The following DPP9 variants were observed in gnomAD, a reference collection of about 807,000 sequenced individuals.
DPP9 encodes the protein dipeptidyl peptidase 9, also known as dipeptidyl peptidase IV-related protein-2.
Under a neutral mutation model 110.7 loss-of-function variants are expected in DPP9, and 50 were observed. The observed-to-expected ratio is 0.45, with a 90% CI of 0.36 to 0.57. DPP9 has a LOEUF of 0.57. Ranked by LOEUF, DPP9 falls within the 20% of genes least tolerant of loss-of-function variation. The pLI is 0.00. For synonymous variants in DPP9, 561 were observed against 514.4 expected (o/e 1.09, Z -1.23); for missense variants, 1,022 against 1,217.9 (o/e 0.84, Z 2.39).
At chr19:4,681,175 G>A (rs574940542) in intron 20 of DPP9, among the ~76,000 whole-genome samples, 2 of 152,292 alleles carry the variant, frequency 1.3e-5, no homozygotes, top group South Asian at 4.1e-4. Context: ...AGCACAGATC[G>A]GTGGCTGCCC....
rs911592443 is a variant in DPP9, at chr19:4,704,411, G to A, written c.427-107C>T. The A allele has an allele frequency of 1.5e-5, 20 of 1,358,900 alleles. No individual in the cohort carries two copies. In the East Asian group the frequency reaches 2.3e-4, roughly 16 times the overall value. The allele number at this position is 1,358,900 out of a possible 1,614,324, so 84.2% of individuals were successfully genotyped here. A position where few individuals can be genotyped will look rare whatever the true frequency, so the allele number is the denominator to read the frequency against. On this transcript the variant is annotated intron_variant, in intron 5 of 21. Transcript: ENST00000262960. This position sits in a 1 kb window ranked among gnomAD's most constrained non-coding sequence, Gnocchi z 6.0. ...GGGCATTCCCAGGGAATCTGACTTCGGGCCTCGCCAGAGAGAACTTCCTGT... is the reference window on the plus strand; with the variant it reads ...GGGCATTCCCAGGGAATCTGACTTCAGGCCTCGCCAGAGAGAACTTCCTGT...
Position 4,700,110 on chromosome 19 carries a change from G to A in DPP9, c.1074+106C>T, listed in dbSNP as rs1236124017. ...GGGCGGCAGGGCTGGGGCCTGGGGA[G>A]TGCCCCCGAGAGGGAGGTGAGTGAC... is the stretch of plus-strand genomic sequence containing the variant. On this transcript the variant is annotated intron_variant, in intron 10 of 21. Transcript: ENST00000262960. The surrounding 1 kb of genome is among the most constrained non-coding windows in gnomAD (Gnocchi z 4.3). 8 of 882,752 alleles carry A rather than the reference G, an allele frequency of 9.1e-6. No individual in the cohort carries two copies. The highest frequency in any genetic ancestry group is 5.2e-5 in the African/African-American group (3 of 57,898). 54.7% of individuals were successfully genotyped at this position (882,752 alleles called of 1,614,324 possible). A position where few individuals can be genotyped will look rare whatever the true frequency, so the allele number is the denominator to read the frequency against.
rs1236531569 is a variant in DPP9 at position 4,698,170 on chromosome 19, G to A, written c.1075-519C>T. The stretch of plus-strand genomic sequence containing the variant: ...GGTCTGGGCTGTCCCTTAGAGCCAG[G>A]TGGCTCTGGGCAAGCACAGTCCCCG... On this transcript the variant is annotated intron_variant, in intron 10 of 21. Transcript: ENST00000262960. This position sits in a 1 kb window ranked among gnomAD's most constrained non-coding sequence, Gnocchi z 4.2. 6.6e-6 allele frequency among the ~76,000 whole-genome samples: 1 copy of A among 152,224 alleles called. No individual in the cohort carries two copies. Among genetic ancestry groups the A allele is most frequent in the East Asian group, 1.9e-4 (1 of 5,200 alleles).
At chr19:4,711,987 T>C (rs2092857671) in intron 4 of DPP9, among the ~76,000 whole-genome samples, 1 of 152,010 alleles carries the variant, frequency 6.6e-6, no homozygotes, top group Non-Finnish European at 1.5e-5. Flanking sequence ...GAGGAAACCT[T>C]GATCTTGGAT....
In DPP9 at chr19:4,695,363, G is replaced by A. The variant is rs768391345; in HGVS notation, c.1353+15C>T. The A allele has an allele frequency of 3.0e-5, 46 of 1,548,346 alleles. No individual in the cohort carries two copies. The highest frequency in any genetic ancestry group is 3.8e-5 in the Non-Finnish European group (44 of 1,146,224). On this transcript the variant is annotated intron_variant, in intron 12 of 21. Coordinates refer to ENST00000262960, the MANE Select transcript of DPP9 (RefSeq NM_139159.5). The surrounding 1 kb of genome is among the most constrained non-coding windows in gnomAD (Gnocchi z 4.7). The stretch of plus-strand genomic sequence containing the variant: ...GGGCCCAGGCGGGCATACAGCCAGC[G>A]CTTGCCCCGCTTACATTGATCCAGA...
rs763720292 is a variant in DPP9, at chr19:4,689,630, C to T, written c.1689G>A (p.Ala563=). ...TGGTGAGGCGTACGATCTCGCCGGC[C>T]GCCTCATAGCTGACCACGTAGAGGT... ...EHHLYVVSYE[A]AGEIVRLTTP... is the part of the protein sequence containing the mutation. The change falls in exon 15 of 22, where the codon GCG becomes GCA. Residue 563 remains alanine (A), a synonymous_variant. Transcript: ENST00000262960. This position sits in a 1 kb window ranked among gnomAD's most constrained non-coding sequence, Gnocchi z 7.0. 8.3e-6 allele frequency: 13 copies of T among 1,570,658 alleles called. No homozygotes were observed. Among genetic ancestry groups the T allele is most frequent in the African/African-American group, 4.1e-5 (3 of 74,028 alleles).
chr19:4,697,488 G>A (rs2091899508), intron 11 of DPP9, 63 bp downstream of exon 11: 7 of 1,443,542 alleles, frequency 4.8e-6, no homozygotes, highest in Non-Finnish European at 4.8e-6. Flanking sequence ...GGCAGCTTCG[G>A]TGGCTGCCCA....
chr19:4,681,061 C>A (rs2089800100), intron 20 of DPP9, among the ~76,000 whole-genome samples: 1 of 152,220 alleles, frequency 6.6e-6, no homozygotes, highest in Admixed American at 6.5e-5. Flanking sequence ...ATCGGCTGCC[C>A]TAGCCCTTCC....
At chr19:4,722,305 C>T in intron 2 of DPP9, 194 bp downstream of exon 2, 1 of 573,720 alleles carries the variant, frequency 1.7e-6, no homozygotes. Flanking sequence ...CCAGGGGCAG[C>T]TAGAGGGGGA....
rs150806667 is a variant in DPP9, at chr19:4,684,850, G to A, written c.2032-41C>T. 3,321 of 1,564,784 alleles carry A rather than the reference G, an allele frequency of 2.1e-3. 41 individuals are homozygous for A. The African/African-American group carries it at 0.037, about 17-fold the overall frequency. On this transcript the variant is annotated intron_variant, in intron 17 of 21. Coordinates refer to ENST00000262960, the MANE Select transcript of DPP9 (RefSeq NM_139159.5). The surrounding 1 kb of genome is among the most constrained non-coding windows in gnomAD (Gnocchi z 4.8). ...GGCCAGCAGTCCAGCACGAGATGCC[G>A]GGCAGGACGGGCCTGGCAGGGGAGA... is the stretch of plus-strand genomic sequence containing the variant.
chr19:4,715,229 G>A (rs2145927584), intron 3 of DPP9, among the ~76,000 whole-genome samples: 1 of 151,826 alleles, frequency 6.6e-6, no homozygotes, highest in East Asian at 1.9e-4. Context: ...CACTATGTTG[G>A]TCAGGCTGCT....
At chr19:4,711,729 C>T (rs1345986701) in intron 4 of DPP9, among the ~76,000 whole-genome samples, 4 of 135,712 alleles carry the variant, frequency 2.9e-5, no homozygotes, top group Non-Finnish European at 4.6e-5. Flanking sequence ...GCCAAGATTG[C>T]GCCATTGCAC....
At chr19:4,708,284 C>T (rs910707481) in intron 4 of DPP9, among the ~76,000 whole-genome samples, 1 of 152,230 alleles carries the variant, frequency 6.6e-6, no homozygotes, top group Non-Finnish European at 1.5e-5. Context: ...CACGCCTTTT[C>T]TCTGATGCCC....
chr19:4,689,662 C>T lies in DPP9; in HGVS notation c.1657G>A (p.Glu553Lys). Residue 553 changes from glutamate (E) to lysine (K), a missense_variant, in exon 15 of 22, where the codon GAG (glutamate) becomes AAG (lysine). By Grantham distance (56) the Glu-to-Lys change is moderately conservative. Transcript: ENST00000262960. The surrounding 1 kb of genome is among the most constrained non-coding windows in gnomAD (Gnocchi z 7.0). ...YFQGTKDTPL[E>K]HHLYVVSYEA... ...TAGCTGACCACGTAGAGGTGGTGCT[C>T]CAGCGGCGTGTCCTTGGTGCCCTGG... 1 of 1,563,578 alleles carries T rather than the reference C, an allele frequency of 6.4e-7. No homozygotes were observed. The highest frequency in any genetic ancestry group is 8.7e-7 in the Non-Finnish European group (1 of 1,153,842).
At chr19:4,677,225 C>G (rs1226863390) in intron 21 of DPP9, among the ~76,000 whole-genome samples, 1 of 152,052 alleles carries the variant, frequency 6.6e-6, no homozygotes, top group Non-Finnish European at 1.5e-5. Context: ...CAACGCCAGG[C>G]CTGGGGGTGG....
chr19:4,678,910 G>A (rs1320301671), intron 21 of DPP9, among the ~76,000 whole-genome samples: 1 of 152,040 alleles, frequency 6.6e-6, no homozygotes, highest in Non-Finnish European at 1.5e-5. Context: ...CCACAAAGCA[G>A]CCAGAGAAAT....
intron 18 of DPP9, 60 bp from the exon 19 acceptor site, chr19:4,683,689 G>T (rs770771508): frequency 6.2e-7 from 1 of 1,612,744 alleles, no homozygotes; most frequent in South Asian, 1.1e-5. Context: ...CTCCCCTGCA[G>T]TGACACCTCT....
Position 4,702,046 on chromosome 19 carries a change from C to T in DPP9, c.993G>A (p.Ser331=), listed in dbSNP as rs573577230. The T allele has an allele frequency of 3.7e-6, 6 of 1,613,818 alleles. No individual in the cohort carries two copies. In the Admixed American group the frequency reaches 6.7e-5, roughly 18 times the overall value. ...ACTCACCTGTCCTGGGGTACCGATACGAGTCCGTCTTCCTTTCTTCTAGCG... is the reference window on the plus strand; with the variant it reads ...ACTCACCTGTCCTGGGGTACCGATATGAGTCCGTCTTCCTTTCTTCTAGCG... ...SPALEERKTD[S]YRYPRTGSKN... The change falls in exon 9 of 22, where the codon TCG becomes TCA. Residue 331 remains serine, a synonymous_variant. Transcript: ENST00000262960.
chr19:4,712,339 A>G (rs1028752350), intron 4 of DPP9, among the ~76,000 whole-genome samples: 3 of 152,260 alleles, frequency 2.0e-5, no homozygotes, highest in Non-Finnish European at 4.4e-5. Flanking sequence ...GCTTGAGCCT[A>G]GGGGCTCAAG....
Sources: gnomAD v4.1 joint callset for allele counts (sites outside exome capture counted in the v4.1 genomes callset) on GRCh38, gnomAD v4.1.1 for gene constraint, Gnocchi (gnomAD v3.1) non-coding constraint, MANE v1.5 for transcripts, NCBI Gene and HGNC (gene_info 2026-07-23, HGNC 2026-07-21) for gene names.